Variants in TEX11 observed in about 807,000 individuals in gnomAD.
The protein encoded by TEX11 is testis-expressed protein 11.
Under a neutral mutation model 84.4 loss-of-function variants are expected in TEX11, and 7 were observed. The ratio of observed to expected loss-of-function variants is 0.08; its 90% confidence interval spans 0.05 to 0.16. The LOEUF (loss-of-function observed/expected upper bound fraction) is 0.16, where lower values mean the gene tolerates loss of function less well. Among genes scored for constraint, TEX11 ranks in the 10% least tolerant of loss-of-function variants. TEX11 has a pLI of 1.00. For synonymous variants in TEX11, 264 were observed against 222.8 expected, an observed-to-expected ratio of 1.18 and a Z score of -1.64; for missense variants, 551 against 660.5, an observed-to-expected ratio of 0.83 and a Z score of 1.82.
chrX:70,759,454 C>A (rs1053165343), intron 9 of TEX11, among the ~76,000 whole-genome samples: 2 of 111,780 alleles, frequency 1.8e-5, no homozygotes, highest in Non-Finnish European at 3.8e-5. Context: ...GGATGCAAGG[C>A]TGGTTCATGC....
intron 8 of TEX11, among the ~76,000 whole-genome samples, chrX:70,819,732 A>G (rs997824118): frequency 2.7e-5 from 3 of 112,374 alleles, no homozygotes; most frequent in African/African-American, 9.7e-5. Context: ...TTAAAGTAAC[A>G]TGATACAAAA....
At chrX:70,894,769 C>T (rs183777948) in intron 2 of TEX11, among the ~76,000 whole-genome samples, 2 of 111,754 alleles carry the variant, frequency 1.8e-5, no homozygotes, top group East Asian at 5.6e-4. Context: ...ATAAACAGAA[C>T]CAATGACAGA....
chrX:70,817,254 TACACACACACACACAC>T (rs57325193), intron 8 of TEX11, among the ~76,000 whole-genome samples: 1 of 82,400 alleles, frequency 1.2e-5, no homozygotes, highest in African/African-American at 4.7e-5. Flanking sequence ...CATATATATA[TACACACACACACACAC>T]ACACACACAC....
At chrX:70,847,350 T>C (rs748504902) in intron 7 of TEX11, among the ~76,000 whole-genome samples, 1 of 111,285 alleles carries the variant, frequency 9.0e-6, no homozygotes, top group Non-Finnish European at 1.9e-5. Context: ...CTGCTTTCTA[T>C]GGTCACTATC....
chrX:70,836,836 G>A (rs1025192711), intron 7 of TEX11, among the ~76,000 whole-genome samples: 1 of 111,462 alleles, frequency 9.0e-6, no homozygotes, highest in Non-Finnish European at 1.9e-5. Flanking sequence ...GGCCAAGATG[G>A]CAAAGCCCCA....
the TEX11 span, among the ~76,000 whole-genome samples, chrX:70,513,486 A>AATTT: frequency 2.8e-5 from 3 of 106,630 alleles, 1 homozygote; most frequent in Non-Finnish European, 3.9e-5. Context: ...GAATTTTAAA[A>AATTT]ATTTATTTAT....
chrX:70,603,973 A>G (rs1425963619), intron 24 of TEX11, among the ~76,000 whole-genome samples: 9 of 112,307 alleles, frequency 8.0e-5, no homozygotes, highest in African/African-American at 2.6e-4. Flanking sequence ...AAAAGGCAGA[A>G]GTGCATCTTC....
intron 9 of TEX11, among the ~76,000 whole-genome samples, chrX:70,796,898 A>T (rs2091158601): frequency 8.9e-6 from 1 of 112,315 alleles, no homozygotes; most frequent in African/African-American, 3.2e-5. Flanking sequence ...AATGCAAATC[A>T]AAACCACAAT....
At chrX:70,797,192 G>A (rs776257167) in intron 9 of TEX11, among the ~76,000 whole-genome samples, 21 of 112,141 alleles carry the variant, frequency 1.9e-4, no homozygotes, top group African/African-American at 6.1e-4. Flanking sequence ...ATTCACAATA[G>A]TAAAGACATG....
chrX:70,641,489 C>T (rs762605744), intron 17 of TEX11, among the ~76,000 whole-genome samples: 1 of 111,191 alleles, frequency 9.0e-6, no homozygotes, highest in South Asian at 3.9e-4. Flanking sequence ...CACACCACAC[C>T]TATTGCAAAA....
At chrX:70,766,369 G>A (rs1228978850) in intron 9 of TEX11, among the ~76,000 whole-genome samples, 2 of 108,553 alleles carry the variant, frequency 1.8e-5, no homozygotes, top group African/African-American at 3.4e-5. Flanking sequence ...CTGAGATTGC[G>A]CCACTACACT....
At chrX:70,535,281 C>T (rs761173699) in intron 28 of TEX11, among the ~76,000 whole-genome samples, 4 of 112,143 alleles carry the variant, frequency 3.6e-5, no homozygotes, top group Non-Finnish European at 7.5e-5. Flanking sequence ...TGAACATTTG[C>T]TATGAGTCTT....
chrX:70,778,404 C>G (rs1235767876), intron 9 of TEX11, among the ~76,000 whole-genome samples: 2 of 111,312 alleles, frequency 1.8e-5, no homozygotes, highest in Non-Finnish European at 3.8e-5. Flanking sequence ...ATGTTGAAAT[C>G]CTAACCACAA....
At position 70,831,047 on chromosome X, in the gene TEX11, T is replaced by C. The variant is rs139130564; in HGVS notation, c.606+2466A>G. Among the ~76,000 whole-genome samples, 712 of 111,877 alleles carry C rather than the reference T, an allele frequency of 6.4e-3. 3 individuals carry two copies. The highest frequency in any genetic ancestry group is 0.022 in the African/African-American group (673 of 30,865). On this transcript the variant is annotated intron_variant, in intron 8 of 29. Coordinates refer to ENST00000374333, the MANE Select transcript of TEX11 (RefSeq NM_031276.3). ...AGCATTATTTACAATAGCCAAGCTATGGAATCAACCTAAGGGTCCAACAAG... is the reference window on the plus strand; with the variant it reads ...AGCATTATTTACAATAGCCAAGCTACGGAATCAACCTAAGGGTCCAACAAG...
chrX:70,748,489 C>T (rs2090784941), intron 9 of TEX11, among the ~76,000 whole-genome samples: 1 of 111,647 alleles, frequency 9.0e-6, no homozygotes, highest in Non-Finnish European at 1.9e-5. Flanking sequence ...GACATGAAGT[C>T]CTTGCCCATG....
intron 25 of TEX11, among the ~76,000 whole-genome samples, chrX:70,563,478 A>G (rs1222547853): frequency 8.9e-6 from 1 of 112,196 alleles, no homozygotes; most frequent in African/African-American, 3.2e-5. Flanking sequence ...TGTCTTTAAG[A>G]GGCAGCATGG....
chrX:70,612,236 C>T (rs746866345), intron 20 of TEX11, among the ~76,000 whole-genome samples: 1 of 111,088 alleles, frequency 9.0e-6, no homozygotes, highest in South Asian at 3.8e-4. Flanking sequence ...TTCCTTTTAC[C>T]TGGTACATCA....
chrX:70,876,404 G>A (rs772515222), intron 3 of TEX11, among the ~76,000 whole-genome samples: 1 of 111,238 alleles, frequency 9.0e-6, no homozygotes, highest in East Asian at 2.8e-4. Flanking sequence ...GTGTTAGAAA[G>A]GATAAGATAA....
intron 25 of TEX11, among the ~76,000 whole-genome samples, chrX:70,589,485 A>AT (rs889064827): frequency 1.5e-3 from 169 of 110,355 alleles, no homozygotes; most frequent in Non-Finnish European, 1.9e-3. Flanking sequence ...GAAGAAATTC[A>AT]TTTTTTTTGG....
Sources: gnomAD v4.1 joint callset for allele counts (sites outside exome capture counted in the v4.1 genomes callset) on GRCh38, gnomAD v4.1.1 for gene constraint, MANE v1.5 for transcripts, NCBI Gene and HGNC (gene_info 2026-07-23, HGNC 2026-07-21) for gene names.